Variants in DNAH10 observed in about 807,000 individuals in gnomAD.
DNAH10 encodes the protein axonemal beta dynein heavy chain 10.
In DNAH10, 348 loss-of-function variants were observed where a neutral mutation model predicts 506.6. The observed-to-expected ratio is 0.69, with a 90% CI of 0.63 to 0.75. The LOEUF is 0.75. DNAH10 is among the 30% of genes least tolerant of loss of function. DNAH10 has a pLI of 0.00. For missense variants in DNAH10, 5,179 were observed against 5,787.1 expected, an observed-to-expected ratio of 0.89 and a Z score of 3.41; for synonymous variants, 2,059 against 2,198.6, an observed-to-expected ratio of 0.94 and a Z score of 1.78.
intron 2 of DNAH10, among the ~76,000 whole-genome samples, chr12:123,769,294 C>T (rs1162176837): frequency 2.0e-5 from 3 of 151,784 alleles, no homozygotes; most frequent in Non-Finnish European, 4.4e-5. Context: ...TGCAGGCACA[C>T]GCCACCTCAT....
chr12:123,867,389 G>T, intron 41 of DNAH10, 78 bp from the exon 42 acceptor site: 1 of 1,491,074 alleles, frequency 6.7e-7, no homozygotes, highest in South Asian at 1.4e-5. Flanking sequence ...AACCCTCTTT[G>T]GGCAAGAAAA....
In DNAH10 at chr12:123,926,641, G is replaced by C. The variant is rs766228287; in HGVS notation, c.11926G>C (p.Val3976Leu). ...TGACTGTGTTTCTTTCACCAGGTAT[G>C]TGCAGCCCCCAATGATCAGCTTTGA... ...YVTVTMGEKYVQPPMISFEAI... is the reference protein window; with the variant it reads ...YVTVTMGEKYLQPPMISFEAI... Residue 3976 changes from valine (V) to leucine (L), a missense_variant, in exon 69 of 79, where the codon GTG becomes CTG. By Grantham distance (32) the Val-to-Leu change is conservative. Around this residue, in one of 3 missense-constraint regions of DNAH10, gnomAD observed 4,844 missense variants for 5,430.5 expected, o/e 0.89. Transcript: ENST00000673944. This position sits in a 1 kb window ranked among gnomAD's most constrained non-coding sequence, Gnocchi z 4.1. 4.3e-6 allele frequency: 7 copies of C among 1,612,930 alleles called. No homozygotes were observed. In the Admixed American group the frequency reaches 6.7e-5, roughly 15 times the overall value.
chr12:123,832,625 G>A (rs1023757505), intron 26 of DNAH10, among the ~76,000 whole-genome samples: 10 of 151,948 alleles, frequency 6.6e-5, no homozygotes, highest in African/African-American at 2.4e-4. Flanking sequence ...TTACAGGCAT[G>A]AGCCACCGCA....
At chr12:123,763,603 A>G (rs982693943) in intron 1 of DNAH10, among the ~76,000 whole-genome samples, 3 of 136,872 alleles carry the variant, frequency 2.2e-5, no homozygotes, top group African/African-American at 8.6e-5. Context: ...TCACTTTGTC[A>G]CCCAGGCTGG....
rs1236848100 is a variant in DNAH10 at position 123,861,190 on chromosome 12, G to A, written c.6908+20G>A. The A allele has an allele frequency of 6.2e-7, 1 of 1,612,380 alleles. No individual in the cohort carries two copies. The highest frequency in any genetic ancestry group is 8.5e-7 in the Non-Finnish European group (1 of 1,179,286). On this transcript the variant is annotated intron_variant, in intron 39 of 78. Transcript: ENST00000673944. The stretch of plus-strand genomic sequence containing the variant: ...GCGAAAGTGAGTATCTTTGTAGGTA[G>A]GAAAGAGCCTGGGTTAGTTAATGTT...
chr12:123,812,322 G>T (rs1246330637), intron 19 of DNAH10, among the ~76,000 whole-genome samples: 1 of 152,100 alleles, frequency 6.6e-6, no homozygotes, highest in African/African-American at 2.4e-5. Context: ...GTGGGGGTGG[G>T]TGCCTATAGT....
intron 25 of DNAH10, 59 bp downstream of exon 25, chr12:123,826,957 T>C: frequency 1.3e-6 from 2 of 1,486,546 alleles, no homozygotes; most frequent in East Asian, 4.5e-5. Flanking sequence ...TAGTTAAAAT[T>C]GTTTCCCTCA....
chr12:123,829,183 G>A (rs75888655), intron 25 of DNAH10, among the ~76,000 whole-genome samples: 7,700 of 152,286 alleles, frequency 0.051, 249 homozygotes, highest in African/African-American at 0.094. Context: ...GGTCGAAGTT[G>A]AGGGGGAAGG....
chr12:123,776,156 G>T (rs1957429573), intron 5 of DNAH10, among the ~76,000 whole-genome samples: 1 of 152,072 alleles, frequency 6.6e-6, no homozygotes, highest in Admixed American at 6.6e-5. Flanking sequence ...ATGAGATTTG[G>T]GTGGGGACAC....
chr12:123,882,233 C>T (rs964042240), intron 51 of DNAH10: 1 of 155,570 alleles, frequency 6.4e-6, no homozygotes, highest in African/African-American at 2.4e-5. Flanking sequence ...CAAGCACATC[C>T]TGTGAACGGT....
Position 123,785,636 on chromosome 12 carries a change from G to GA in DNAH10, c.1231-92dup, listed in dbSNP as rs35755869. 14,440 of 702,876 alleles carry GA rather than the reference G, an allele frequency of 0.021. 19 individuals carry two copies. The highest frequency in any genetic ancestry group is 0.033 in the African/African-American group (1,582 of 48,120). 43.5% of individuals were successfully genotyped at this position (702,876 alleles called of 1,614,324 possible). A position where few individuals can be genotyped will look rare whatever the true frequency, so the allele number is the denominator to read the frequency against. ...CCTGGGCACCAGACTTGGTCTCAAG[G>GA]AAAAAAAAAAAAAAAAAAGAGTGAA... On this transcript the variant is annotated intron_variant, in intron 8 of 78. Coordinates refer to ENST00000673944, the MANE Select transcript of DNAH10 (RefSeq NM_001372106.1). The surrounding 1 kb of genome is among the most constrained non-coding windows in gnomAD (Gnocchi z 4.1).
At chr12:123,900,030 AC>A (rs1953447728) in intron 56 of DNAH10, among the ~76,000 whole-genome samples, 1 of 152,098 alleles carries the variant, frequency 6.6e-6, no homozygotes, top group Non-Finnish European at 1.5e-5. Flanking sequence ...ATTTCTCATG[AC>A]ACCCTGTCGC....
At position 123,846,033 on chromosome 12, in the gene DNAH10, C is replaced by T. The variant is rs1232526501; in HGVS notation, c.5693C>T (p.Pro1898Leu). The stretch of plus-strand genomic sequence containing the variant: ...TTGCGGTTTTATTGGGACCGGGAGC[C>T]GGATGAGCTGAACATCCGCCAGTGC... Reference protein sequence around the residue: ...SQLRFYWDREPDELNIRQCTG... With the variant: ...SQLRFYWDRELDELNIRQCTG... Residue 1898 changes from proline (P) to leucine (L), a missense_variant, in exon 32 of 79, where the codon CCG (proline) becomes CTG (leucine). Pro to Leu is a moderately conservative substitution (Grantham distance 98). Transcript: ENST00000673944. The surrounding 1 kb of genome is among the most constrained non-coding windows in gnomAD (Gnocchi z 4.5). 8.7e-6 allele frequency: 14 copies of T among 1,613,860 alleles called. No individual in the cohort carries two copies. The highest frequency in any genetic ancestry group is 3.3e-5 in the South Asian group (3 of 91,080).
chr12:123,914,664 T>C, intron 61 of DNAH10, 114 bp downstream of exon 61: 3 of 1,403,714 alleles, frequency 2.1e-6, no homozygotes, highest in Non-Finnish European at 1.9e-6. Flanking sequence ...GGACCACAGT[T>C]GGCTCGACTG....
At chr12:123,855,970 TTTA>T (rs1178219312) in intron 36 of DNAH10, among the ~76,000 whole-genome samples, 2 of 149,498 alleles carry the variant, frequency 1.3e-5, no homozygotes, top group African/African-American at 4.9e-5. Flanking sequence ...ATTTTACATT[TTTA>T]TTTTCATATG....
chr12:123,870,501 A>C lies in DNAH10; in HGVS notation c.7639+16A>C. The C allele has an allele frequency of 6.2e-7, 1 of 1,611,244 alleles. No individual in the cohort carries two copies. On this transcript the variant is annotated intron_variant, in intron 44 of 78. Transcript: ENST00000673944. ...AACATCCTGGGTAAGTCAGAGTCAA[A>C]TCCTTGTTCCTGGGTTTAGGAGTGT... is the stretch of plus-strand genomic sequence containing the variant.
intron 33 of DNAH10, 28 bp from the exon 34 acceptor site, chr12:123,848,702 C>G: frequency 3.1e-6 from 5 of 1,611,662 alleles, no homozygotes; most frequent in Non-Finnish European, 4.2e-6. Context: ...TGAAAATTGC[C>G]CTTGTCCTGA....
Position 123,850,024 on chromosome 12 carries a change from C to G in DNAH10, c.6103-864C>G, listed in dbSNP as rs559763525. Among the ~76,000 whole-genome samples, 15 of 152,220 alleles carry G rather than the reference C, an allele frequency of 9.9e-5. No individual in the cohort carries two copies. The South Asian group carries it at 2.9e-3, about 30-fold the overall frequency. On this transcript the variant is annotated intron_variant, in intron 34 of 78. Coordinates refer to ENST00000673944, the MANE Select transcript of DNAH10 (RefSeq NM_001372106.1). The surrounding 1 kb of genome is among the most constrained non-coding windows in gnomAD (Gnocchi z 5.5). Reference sequence around the variant, plus strand: ...GAGGCAGCAGCTATCTGCTCTTCCCCCTGGGCCATCTGGGCCATCTGGGCC... The same window carrying G: ...GAGGCAGCAGCTATCTGCTCTTCCCGCTGGGCCATCTGGGCCATCTGGGCC...
intron 14 of DNAH10, 35 bp downstream of exon 14, chr12:123,799,406 G>C: frequency 6.3e-7 from 1 of 1,598,982 alleles, no homozygotes; most frequent in Non-Finnish European, 8.5e-7. Flanking sequence ...CGATTGCCGC[G>C]TGAGACGATG....
Sources: allele counts gnomAD v4.1 joint callset (sites outside exome capture counted in the v4.1 genomes callset), GRCh38; gene constraint gnomAD v4.1.1; regional missense constraint gnomAD v4.1.1; non-coding constraint Gnocchi (gnomAD v3.1); transcripts MANE v1.5; gene names NCBI Gene and HGNC (gene_info 2026-07-23, HGNC 2026-07-21).